Variants in DNMT1 observed in about 807,000 individuals in gnomAD.
The protein encoded by DNMT1 is DNA (cytosine-5)-methyltransferase 1.
A neutral mutation model predicts 205.3 loss-of-function variants in DNMT1; 24 were observed. The observed-to-expected ratio is 0.12, with a 90% CI of 0.08 to 0.16. The LOEUF (loss-of-function observed/expected upper bound fraction) is 0.16. Ranked by LOEUF, DNMT1 falls within the 10% of genes least tolerant of loss-of-function variation. The probability of loss-of-function intolerance (pLI) is 1.00; values close to 1 mark genes in which losing one functional copy is unlikely to be tolerated. For synonymous variants in DNMT1, 817 were observed against 839.8 expected (o/e 0.97, Z 0.47); for missense variants, 1,293 against 2,177.7 (o/e 0.59, Z 8.09).
intron 6 of DNMT1, 63 bp downstream of exon 6, chr19:10,177,229 C>T: frequency 6.8e-7 from 1 of 1,479,978 alleles, no homozygotes; most frequent in South Asian, 1.1e-5. Flanking sequence ...TGACGCCCTA[C>T]CAATTCCATC....
rs1308051088 is a variant in DNMT1, at chr19:10,135,545, T to C, written c.4773+191A>G. 1.4e-4 allele frequency: 89 copies of C among 643,702 alleles called. No individual in the cohort carries two copies. In the East Asian group the frequency reaches 2.4e-3, roughly 17 times the overall value. 39.9% of individuals were successfully genotyped at this position (643,702 alleles called of 1,614,324 possible). On this transcript the variant is annotated intron_variant, in intron 39 of 40. Transcript: ENST00000359526. ...AAAAACAAACAGTAAGGAACCAGCATAGGGACGCAGCCTGACTCGGATGTC... is the reference window on the plus strand; with the variant it reads ...AAAAACAAACAGTAAGGAACCAGCACAGGGACGCAGCCTGACTCGGATGTC...
At chr19:10,185,163 C>T (rs912925525) in intron 1 of DNMT1, among the ~76,000 whole-genome samples, 1 of 152,108 alleles carries the variant, frequency 6.6e-6, no homozygotes, top group Non-Finnish European at 1.5e-5. Context: ...CGGTGGCTCA[C>T]GCCTGTAATC....
rs751588170 is a variant in DNMT1 at position 10,194,800 on chromosome 19, T to A, written c.80+20A>T. The A allele has an allele frequency of 2.5e-6, 4 of 1,603,634 alleles. No homozygotes were observed. The highest frequency in any genetic ancestry group is 2.7e-5 in the African/African-American group (2 of 74,176). On this transcript the variant is annotated intron_variant, in intron 1 of 40. Transcript: ENST00000359526. ...CCCTGCCTGTCCCCCTGAGTCCGTGTTCCCCCCCATGGTACCTACCGCCTG... is the reference window on the plus strand; with the variant it reads ...CCCTGCCTGTCCCCCTGAGTCCGTGATCCCCCCCATGGTACCTACCGCCTG...
Position 10,154,807 on chromosome 19 carries a change from C to A in DNMT1, c.1645-34G>T, listed in dbSNP as rs777858038. On this transcript the variant is annotated intron_variant, in intron 20 of 40. Transcript: ENST00000359526. The surrounding 1 kb of genome is among the most constrained non-coding windows in gnomAD (Gnocchi z 6.3). ...AGAACAGGTTTCTCTCATGCTTAAG[C>A]CAAACTGGCCTAAATCCAACTGAAG... The A allele has an allele frequency of 6.2e-7, 1 of 1,614,210 alleles. No homozygotes were observed. Among genetic ancestry groups the A allele is most frequent in the South Asian group, 1.1e-5 (1 of 91,080 alleles).
chr19:10,138,101 T>C lies in DNMT1; in HGVS notation c.4116-92A>G. 1.4e-6 allele frequency: 2 copies of C among 1,442,618 alleles called. No individual in the cohort carries two copies. Among genetic ancestry groups the C allele is most frequent in the Non-Finnish European group, 1.9e-6 (2 of 1,056,696 alleles). The allele number at this position is 1,442,618 out of a possible 1,614,324, so 89.4% of individuals were successfully genotyped here. On this transcript the variant is annotated intron_variant, in intron 35 of 40. Transcript: ENST00000359526. This position sits in a 1 kb window ranked among gnomAD's most constrained non-coding sequence, Gnocchi z 4.1. ...CCACCCCCTGCCTGCTCAGATGGCC[T>C]TCTCCCGAGATCACAGCACTGCCCG...
rs1345541911 is a variant in DNMT1 at position 10,149,523 on chromosome 19, A to G, written c.2516T>C (p.Met839Thr). 6.2e-7 allele frequency: 1 copy of G among 1,614,032 alleles called. No individual in the cohort carries two copies. Residue 839 changes from methionine to threonine, a missense_variant, in exon 26 of 41, where the codon ATG (methionine) becomes ACG (threonine). Physicochemically the swap from Met to Thr is moderately conservative, Grantham distance 81 (BLOSUM62 -1). This residue lies in a region of DNMT1 where 197 missense variants were observed against 353.6 expected (regional missense o/e 0.56). Transcript: ENST00000359526. ...TTTGCTGTGGATATATGAAAGCTGC[A>G]TGTCCTCACATTCATCCACCAAGAA... is the stretch of plus-strand genomic sequence containing the variant. ...ELFLVDECED[M>T]QLSYIHSKVK...
intron 9 of DNMT1, among the ~76,000 whole-genome samples, chr19:10,170,286 A>G (rs1051576361): frequency 1.3e-5 from 2 of 152,036 alleles, no homozygotes; most frequent in Non-Finnish European, 2.9e-5. Context: ...TTCCATCTCA[A>G]TTAAAAAAAA....
intron 30 of DNMT1, 37 bp from the exon 31 acceptor site, chr19:10,141,226 A>G (rs749993227): frequency 6.2e-7 from 1 of 1,601,286 alleles, no homozygotes; most frequent in South Asian, 1.1e-5. Context: ...TGGGAGAGAA[A>G]CGCACTGTCC....
At chr19:10,181,427 C>T (rs1355757965) in intron 2 of DNMT1, among the ~76,000 whole-genome samples, 1 of 151,606 alleles carries the variant, frequency 6.6e-6, no homozygotes. Context: ...CCAGCCTGGG[C>T]TACAGAATGA....
chr19:10,172,362 C>T (rs953470660), intron 9 of DNMT1, among the ~76,000 whole-genome samples: 4 of 147,048 alleles, frequency 2.7e-5, no homozygotes, highest in African/African-American at 1.0e-4. Context: ...GACAAGATCA[C>T]ACCACTGCAT....
chr19:10,156,218 T>C lies in DNMT1; in HGVS notation c.1399+173A>G, dbSNP rs2038454423. 6.7e-6 allele frequency among the ~76,000 whole-genome samples: 1 copy of C among 149,334 alleles called. No individual in the cohort carries two copies. Among genetic ancestry groups the C allele is most frequent in the Non-Finnish European group, 1.5e-5 (1 of 67,514 alleles). On this transcript the variant is annotated intron_variant, in intron 18 of 40. Coordinates refer to ENST00000359526, the MANE Select transcript of DNMT1 (RefSeq NM_001130823.3). This position sits in a 1 kb window ranked among gnomAD's most constrained non-coding sequence, Gnocchi z 4.2. ...GTATACTATATATATATGCTATATA[T>C]TTTTTTTTAATAGAGGCAGGCTCTT...
Position 10,147,759 on chromosome 19 carries a change from T to C in DNMT1, c.2720+1125A>G, listed in dbSNP as rs554041761. On this transcript the variant is annotated intron_variant, in intron 27 of 40. Coordinates refer to ENST00000359526, the MANE Select transcript of DNMT1 (RefSeq NM_001130823.3). ...CTCCTCTGGGGGTGCTGGCTGCTGC[T>C]TTTAGTTGAAACAAGTGAGGTACGG... 2.3e-3 allele frequency among the ~76,000 whole-genome samples: 348 copies of C among 152,240 alleles called. 3 individuals carry two copies. The highest frequency in any genetic ancestry group is 7.9e-3 in the African/African-American group (329 of 41,562).
chr19:10,194,472 C>A, intron 1 of DNMT1: 1 of 201,084 alleles, frequency 5.0e-6, no homozygotes, highest in Non-Finnish European at 1.0e-5. Flanking sequence ...TCCTGTGCGA[C>A]CAAGCTGGAG....
At chr19:10,175,501 A>G (rs1183370934) in intron 7 of DNMT1, 39 bp downstream of exon 7, 1 of 1,610,140 alleles carries the variant, frequency 6.2e-7, no homozygotes, top group Non-Finnish European at 8.5e-7. Context: ...AAATACACCA[A>G]GTTAAGGTAG....
chr19:10,191,947 G>A (rs533506310), intron 1 of DNMT1, among the ~76,000 whole-genome samples: 4 of 151,754 alleles, frequency 2.6e-5, no homozygotes, highest in Admixed American at 6.6e-5. Flanking sequence ...TCAGCCTCCC[G>A]AGTAGCTGCG....
At chr19:10,158,333 T>C (rs941174134) in intron 17 of DNMT1, among the ~76,000 whole-genome samples, 5 of 151,970 alleles carry the variant, frequency 3.3e-5, no homozygotes, top group Admixed American at 6.6e-5. Flanking sequence ...TTGATCTAGA[T>C]AGAAGGATCC....
At chr19:10,185,259 A>T (rs1030911120) in intron 1 of DNMT1, among the ~76,000 whole-genome samples, 1 of 152,114 alleles carries the variant, frequency 6.6e-6, no homozygotes, top group African/African-American at 2.4e-5. Flanking sequence ...CCCCGCCTCT[A>T]CTAAAAATAC....
intron 1 of DNMT1, among the ~76,000 whole-genome samples, chr19:10,184,790 A>T (rs961520955): frequency 6.6e-6 from 1 of 152,172 alleles, no homozygotes; most frequent in African/African-American, 2.4e-5. Context: ...GTTGGTGGAG[A>T]GAAGGTGCCC....
At chr19:10,191,323 T>A (rs1250494418) in intron 1 of DNMT1, among the ~76,000 whole-genome samples, 2 of 147,906 alleles carry the variant, frequency 1.4e-5, no homozygotes, top group African/African-American at 5.0e-5. Flanking sequence ...TACTGTTGGA[T>A]ACCATGTTTA....
Sources: allele counts gnomAD v4.1 joint callset (sites outside exome capture counted in the v4.1 genomes callset), GRCh38; gene constraint gnomAD v4.1.1; regional missense constraint gnomAD v4.1.1; non-coding constraint Gnocchi (gnomAD v3.1); transcripts MANE v1.5; gene names NCBI Gene and HGNC (gene_info 2026-07-23, HGNC 2026-07-21).